The following CHST12 variants were observed in gnomAD, a reference collection of about 807,000 sequenced individuals.
The protein encoded by CHST12 is carbohydrate (chondroitin 4) sulfotransferase 12.
Under a neutral mutation model 27.9 loss-of-function variants are expected in CHST12, and 23 were observed. That is an observed-to-expected ratio of 0.82 (90% CI 0.59 to 1.17). CHST12 has a LOEUF of 1.17. Ranked by LOEUF, CHST12 falls within the 50% of genes most tolerant of loss-of-function variation. CHST12 has a pLI of 0.00. For missense variants in CHST12, 682 were observed against 603.0 expected (o/e 1.13, Z -1.37); for synonymous variants, 322 against 273.0 (o/e 1.18, Z -1.77).
Position 2,437,412 on chromosome 7 carries a change from G to C in CHST12, c.*3528G>C, listed in dbSNP as rs1314510585. On this transcript the variant is annotated 3_prime_UTR_variant, in exon 2 of 2. Coordinates refer to ENST00000618655, the MANE Select transcript of CHST12 (RefSeq NM_018641.5). ...TGCCCCAGGAATTTGACACAGGTGT[G>C]ACTTGCAGGTTGTGTGGGTGATGCC... 1.3e-5 allele frequency: 2 copies of C among 152,292 alleles called. No individual in the cohort carries two copies. The highest frequency in any genetic ancestry group is 4.8e-5 in the African/African-American group (2 of 41,472). The allele number at this position is 152,292 out of a possible 1,614,324, so 9.4% of individuals were successfully genotyped here. A position where few individuals can be genotyped will look rare whatever the true frequency, so the allele number is the denominator to read the frequency against.
chr7:2,403,860 C>T (rs998871707), intron 1 of CHST12, among the ~76,000 whole-genome samples, 187 bp downstream of exon 1: 2 of 152,006 alleles, frequency 1.3e-5, no homozygotes, highest in African/African-American at 2.4e-5. Flanking sequence ...GCAGTGTGAC[C>T]TTGGCCCTGC....
chr7:2,424,145 G>T (rs1224400660), intron 1 of CHST12, among the ~76,000 whole-genome samples: 1 of 152,162 alleles, frequency 6.6e-6, no homozygotes, highest in African/African-American at 2.4e-5. Context: ...CCTGATCCCA[G>T]GAGTTCAAGA....
chr7:2,418,239 C>G (rs1225837270), intron 1 of CHST12, among the ~76,000 whole-genome samples: 3 of 152,254 alleles, frequency 2.0e-5, no homozygotes, highest in Non-Finnish European at 4.4e-5. Flanking sequence ...TTTAACAGCC[C>G]CACCCGGAGC....
intron 1 of CHST12, among the ~76,000 whole-genome samples, chr7:2,416,293 C>G (rs1209672593): frequency 6.6e-6 from 1 of 152,232 alleles, no homozygotes; most frequent in African/African-American, 2.4e-5. Context: ...TCCACCACAT[C>G]TGCTGTTACT....
chr7:2,420,867 TTTATTA>T (rs961660445), intron 1 of CHST12, among the ~76,000 whole-genome samples: 1 of 152,140 alleles, frequency 6.6e-6, no homozygotes, highest in African/African-American at 2.4e-5. Context: ...GCAATTTTAT[TTTATTA>T]TTATTTTTTA....
chr7:2,415,769 C>A (rs754087853), intron 1 of CHST12, among the ~76,000 whole-genome samples: 1 of 151,998 alleles, frequency 6.6e-6, no homozygotes, highest in African/African-American at 2.4e-5. Context: ...CCCGCCACCA[C>A]GCCTGGCTAA....
rs139766480 is a variant in CHST12 at position 2,423,546 on chromosome 7, G to A, written c.-77-9017G>A. The stretch of plus-strand genomic sequence containing the variant: ...GGTTTGAGACACGTATTAGCTGTGC[G>A]TGATGCTGGTGCACTACAGGCCACA... On this transcript the variant is annotated intron_variant, in intron 1 of 1. Transcript: ENST00000618655. Among the ~76,000 whole-genome samples, 152 of 152,288 alleles carry A rather than the reference G, an allele frequency of 1.0e-3. 1 individual carries two copies. Among genetic ancestry groups the A allele is most frequent in the African/African-American group, 3.4e-3 (141 of 41,568 alleles).
chr7:2,416,602 C>T (rs929841604), intron 1 of CHST12, among the ~76,000 whole-genome samples: 1 of 152,156 alleles, frequency 6.6e-6, no homozygotes, highest in Non-Finnish European at 1.5e-5. Flanking sequence ...GGCATGGAAA[C>T]AGAAACAGAT....
At chr7:2,432,431 C>T in intron 1 of CHST12, 132 bp from the exon 2 acceptor site, 3 of 610,046 alleles carry the variant, frequency 4.9e-6, no homozygotes, top group South Asian at 2.0e-5. Flanking sequence ...TCCAGCCCCT[C>T]TGGAGGGCGA....
In CHST12 at chr7:2,435,823, T is replaced by G. The variant is rs1782460149; in HGVS notation, c.*1939T>G. The stretch of plus-strand genomic sequence containing the variant: ...TCGCTTTCTTTTATTTTTGTTTTGT[T>G]TTGTTTTTGGAGACAGGGTCTCGCT... On this transcript the variant is annotated 3_prime_UTR_variant, in exon 2 of 2. Transcript: ENST00000618655. 6.6e-6 allele frequency: 1 copy of G among 152,412 alleles called. No homozygotes were observed. Among genetic ancestry groups the G allele is most frequent in the Non-Finnish European group, 1.5e-5 (1 of 68,196 alleles). The allele number at this position is 152,412 out of a possible 1,614,324, so 9.4% of individuals were successfully genotyped here. A position where few individuals can be genotyped will look rare whatever the true frequency, so the allele number is the denominator to read the frequency against.
chr7:2,407,975 G>T (rs1781565405), intron 1 of CHST12, among the ~76,000 whole-genome samples: 1 of 152,088 alleles, frequency 6.6e-6, no homozygotes. Context: ...AACTTGGATA[G>T]TGAGAGAGGC....
chr7:2,410,920 G>T (rs1781647907), intron 1 of CHST12, among the ~76,000 whole-genome samples: 1 of 152,048 alleles, frequency 6.6e-6, no homozygotes, highest in Admixed American at 6.6e-5. Flanking sequence ...GATTGTGTGG[G>T]CCTGAGAGCA....
Position 2,432,763 on chromosome 7 carries a change from A to C in CHST12, c.124A>C (p.Arg42=), listed in dbSNP as rs1265775412. Residue 42 remains arginine, a synonymous_variant, in exon 2 of 2, where the codon AGG becomes CGG. Coordinates refer to ENST00000618655, the MANE Select transcript of CHST12 (RefSeq NM_018641.5). ...AHFYLHTSFS[R]PHTGPPLPTP... ...CTTCTACTTGCACACGTCCTTCTCT[A>C]GGCCGCACACGGGGCCGCCGCTGCC... 3.1e-6 allele frequency: 5 copies of C among 1,613,636 alleles called. No individual in the cohort carries two copies. The Admixed American group carries it at 8.3e-5, about 27-fold the overall frequency.
rs1782618047 is a variant in CHST12 at position 2,442,038 on chromosome 7, C to A, written c.*8154C>A. On this transcript the variant is annotated 3_prime_UTR_variant, in exon 2 of 2. Transcript: ENST00000618655. Reference sequence around the variant, plus strand: ...CTCTGTCCCTATTAAACACTAGCTCCCCATTCCCCACTGTGCCGCCCCCCC... The same window carrying A: ...CTCTGTCCCTATTAAACACTAGCTCACCATTCCCCACTGTGCCGCCCCCCC... 1 of 152,154 alleles carries A rather than the reference C, an allele frequency of 6.6e-6. No homozygotes were observed. The highest frequency in any genetic ancestry group is 2.4e-5 in the African/African-American group (1 of 41,422). The allele number at this position is 152,154 out of a possible 1,614,324, so 9.4% of individuals were successfully genotyped here. A position where few individuals can be genotyped will look rare whatever the true frequency, so the allele number is the denominator to read the frequency against.
rs899265360 is a variant in CHST12 at position 2,436,743 on chromosome 7, C to T, written c.*2859C>T. The stretch of plus-strand genomic sequence containing the variant: ...ACTCACTGAGGGGGGCCCGCGTCCC[C>T]TCCATTTCTGCATTCCCAGTTCTTG... On this transcript the variant is annotated 3_prime_UTR_variant, in exon 2 of 2. Transcript: ENST00000618655. 5 of 152,294 alleles carry T rather than the reference C, an allele frequency of 3.3e-5. No individual in the cohort carries two copies. Among genetic ancestry groups the T allele is most frequent in the African/African-American group, 4.8e-5 (2 of 41,468 alleles). The allele number at this position is 152,294 out of a possible 1,614,324, so 9.4% of individuals were successfully genotyped here. A position where few individuals can be genotyped will look rare whatever the true frequency, so the allele number is the denominator to read the frequency against.
intron 1 of CHST12, among the ~76,000 whole-genome samples, chr7:2,432,226 C>A (rs958407239): frequency 2.7e-5 from 4 of 147,846 alleles, no homozygotes; most frequent in African/African-American, 1.0e-4. Context: ...GGGCTCACAC[C>A]TGGAGCTGGT....
intron 1 of CHST12, among the ~76,000 whole-genome samples, chr7:2,413,098 C>G (rs758993303): frequency 6.6e-6 from 1 of 152,142 alleles, no homozygotes; most frequent in Non-Finnish European, 1.5e-5. Flanking sequence ...CTCGGTAGCT[C>G]TGGTTAGCAG....
At chr7:2,412,529 T>G (rs1199715442) in intron 1 of CHST12, among the ~76,000 whole-genome samples, 1 of 152,248 alleles carries the variant, frequency 6.6e-6, no homozygotes. Flanking sequence ...TTGAAGGTCA[T>G]GTCACTTGAT....
chr7:2,412,199 T>C (rs1335644316), intron 1 of CHST12, among the ~76,000 whole-genome samples: 2 of 152,242 alleles, frequency 1.3e-5, no homozygotes, highest in Non-Finnish European at 2.9e-5. Context: ...CTGTCAGATA[T>C]AGTTAACTGA....
Sources: allele counts gnomAD v4.1 joint callset (sites outside exome capture counted in the v4.1 genomes callset), GRCh38; gene constraint gnomAD v4.1.1; transcripts MANE v1.5; gene names NCBI Gene and HGNC (gene_info 2026-07-23, HGNC 2026-07-21).